Variants in PTPRQ observed in about 807,000 individuals in gnomAD.
PTPRQ encodes the protein phosphatidylinositol phosphatase PTPRQ.
Under a neutral mutation model 246.0 loss-of-function variants are expected in PTPRQ, and 199 were observed. That is an observed-to-expected ratio of 0.81 (90% CI 0.72 to 0.91). PTPRQ has a LOEUF of 0.91. Ranked by LOEUF, PTPRQ falls within the 40% of genes least tolerant of loss-of-function variation. The pLI, the probability that PTPRQ is intolerant of heterozygous loss-of-function variation, is 0.00. For missense variants in PTPRQ, 2,624 were observed against 2,528.4 expected, an observed-to-expected ratio of 1.04 and a Z score of -0.81; for synonymous variants, 869 against 853.2, an observed-to-expected ratio of 1.02 and a Z score of -0.32.
At chr12:80,665,918 G>T (rs1039328835) in intron 39 of PTPRQ, among the ~76,000 whole-genome samples, 16 of 151,942 alleles carry the variant, frequency 1.1e-4, no homozygotes, top group African/African-American at 3.6e-4. Context: ...ATTTAGAATG[G>T]TTATTATCAA....
intron 39 of PTPRQ, among the ~76,000 whole-genome samples, chr12:80,660,415 A>G (rs1317670924): frequency 5.9e-5 from 9 of 151,994 alleles, no homozygotes; most frequent in African/African-American, 2.2e-4. Context: ...TAGGACTTGG[A>G]AAGGCTGGAA....
chr12:80,629,885 A>G (rs541187569), intron 33 of PTPRQ, among the ~76,000 whole-genome samples: 106 of 152,170 alleles, frequency 7.0e-4, no homozygotes, highest in African/African-American at 2.4e-3. Flanking sequence ...GGTGTCATGA[A>G]CCCCCAAATA....
intron 9 of PTPRQ, among the ~76,000 whole-genome samples, chr12:80,485,701 T>G (rs1299592683): frequency 6.6e-6 from 1 of 152,156 alleles, no homozygotes; most frequent in South Asian, 2.1e-4. Flanking sequence ...TCTGTGATAC[T>G]CTGGTTGACA....
chr12:80,569,934 A>G (rs1249343838), intron 25 of PTPRQ, among the ~76,000 whole-genome samples: 1 of 152,184 alleles, frequency 6.6e-6, no homozygotes, highest in Admixed American at 6.5e-5. Flanking sequence ...ATGGCTGCGT[A>G]GTATTCCATG....
At chr12:80,656,637 G>A (rs1295611223) in intron 38 of PTPRQ, among the ~76,000 whole-genome samples, 2 of 151,952 alleles carry the variant, frequency 1.3e-5, no homozygotes, top group Non-Finnish European at 2.9e-5. Flanking sequence ...TGAGTACAGG[G>A]TATCTAGTTT....
At position 80,659,153 on chromosome 12, in the gene PTPRQ, T is replaced by G. The variant is rs1018310494; in HGVS notation, c.6192+1092T>G. On this transcript the variant is annotated intron_variant, in intron 39 of 44. Coordinates refer to ENST00000644991, the MANE Select transcript of PTPRQ (RefSeq NM_001145026.2). ...TAGAGAAGCTAAGGTATTCTTTAAA[T>G]TTCATTCTATTTTAATGCTAGAACT... is the stretch of plus-strand genomic sequence containing the variant. Among the ~76,000 whole-genome samples, 5 of 152,046 alleles carry G rather than the reference T, an allele frequency of 3.3e-5. No homozygotes were observed. In the South Asian group the frequency reaches 6.2e-4, roughly 19 times the overall value.
At chr12:80,447,862 A>G (rs552542125) in intron 3 of PTPRQ, among the ~76,000 whole-genome samples, 1 of 152,164 alleles carries the variant, frequency 6.6e-6, no homozygotes, top group East Asian at 1.9e-4. Context: ...CTTTTTGCTT[A>G]GGATTGCTTT....
At chr12:80,448,828 T>C (rs917408300) in intron 3 of PTPRQ, among the ~76,000 whole-genome samples, 2 of 148,944 alleles carry the variant, frequency 1.3e-5, no homozygotes, top group African/African-American at 5.0e-5. Flanking sequence ...AGTGCCGCAA[T>C]AAACATACGT....
At chr12:80,652,597 T>A in intron 37 of PTPRQ, 147 bp from the exon 38 acceptor site, 1 of 756,576 alleles carries the variant, frequency 1.3e-6, no homozygotes, top group Non-Finnish European at 1.8e-6. Flanking sequence ...TCATTACTGT[T>A]AACTTGACCT....
chr12:80,460,572 G>A (rs1893127820), intron 5 of PTPRQ, 81 bp from the exon 6 acceptor site: 1 of 397,110 alleles, frequency 2.5e-6, no homozygotes, highest in African/African-American at 2.1e-5. Flanking sequence ...AAAAGAAAAA[G>A]AAATGAATTA....
intron 17 of PTPRQ, among the ~76,000 whole-genome samples, chr12:80,524,030 T>C (rs1204049964): frequency 6.6e-6 from 1 of 152,204 alleles, no homozygotes; most frequent in South Asian, 2.1e-4. Context: ...AGGACTTGGT[T>C]TATGAATCTG....
chr12:80,634,816 C>A, intron 34 of PTPRQ, 129 bp from the exon 35 acceptor site: 1 of 1,336,570 alleles, frequency 7.5e-7, no homozygotes, highest in Non-Finnish European at 9.8e-7. Flanking sequence ...AAATTTGCAA[C>A]ATATTCAGAG....
At chr12:80,620,410 T>C (rs557239237) in intron 32 of PTPRQ, 34 bp downstream of exon 32, 3 of 1,544,180 alleles carry the variant, frequency 1.9e-6, no homozygotes, top group East Asian at 2.5e-5. Flanking sequence ...TGCATTCTGT[T>C]AGCAAGCTAG....
At chr12:80,660,192 A>G (rs1900582370) in intron 39 of PTPRQ, among the ~76,000 whole-genome samples, 1 of 152,014 alleles carries the variant, frequency 6.6e-6, no homozygotes, top group African/African-American at 2.4e-5. Context: ...AGAGAACTAT[A>G]GAGGGAGGTA....
intron 6 of PTPRQ, among the ~76,000 whole-genome samples, chr12:80,463,393 G>C (rs1168286550): frequency 6.6e-6 from 1 of 152,184 alleles, no homozygotes; most frequent in Non-Finnish European, 1.5e-5. Flanking sequence ...ACGTATGATT[G>C]GTATACCTGA....
intron 6 of PTPRQ, among the ~76,000 whole-genome samples, chr12:80,461,627 A>G (rs1017335411): frequency 6.6e-6 from 1 of 150,628 alleles, no homozygotes; most frequent in Admixed American, 6.6e-5. Context: ...TATAATATAT[A>G]TAGCTGACAG....
rs1364723133 is a variant in PTPRQ at position 80,471,473 on chromosome 12, C to CTTTTTT, written c.1040-632_1040-631insTTTTTT. 1.3e-3 allele frequency among the ~76,000 whole-genome samples: 48 copies of CTTTTTT among 38,012 alleles called. No homozygotes were observed. In the South Asian group the frequency reaches 0.029, roughly 23 times the overall value. The allele number at this position is 38,012 out of a possible 152,430, so 24.9% of individuals were successfully genotyped here. ...TATAGAAGATAATGAAATTATTTAG[C>CTTTTTT]ATTTTTTTTTTTTTTTTTATTTGAG... is the stretch of plus-strand genomic sequence containing the variant. On this transcript the variant is annotated intron_variant, in intron 7 of 44. Transcript: ENST00000644991.
intron 30 of PTPRQ, among the ~76,000 whole-genome samples, chr12:80,618,227 C>CT (rs1898839085): frequency 6.6e-6 from 1 of 151,386 alleles, no homozygotes; most frequent in Admixed American, 6.6e-5. Context: ...GACATAAGCT[C>CT]TTTTCCCTAT....
intron 33 of PTPRQ, among the ~76,000 whole-genome samples, chr12:80,624,614 C>G (rs1451323082): frequency 6.6e-6 from 1 of 152,180 alleles, no homozygotes; most frequent in Non-Finnish European, 1.5e-5. Context: ...CAAAGCAGCC[C>G]AGCCATTTCT....
Sources: gnomAD v4.1 joint callset for allele counts (sites outside exome capture counted in the v4.1 genomes callset) on GRCh38, gnomAD v4.1.1 for gene constraint, MANE v1.5 for transcripts, NCBI Gene and HGNC (gene_info 2026-07-23, HGNC 2026-07-21) for gene names.